GNG7: variants seen among roughly 807,000 people sequenced by gnomAD.
GNG7 encodes the protein guanine nucleotide-binding protein G(I)/G(S)/G(O) subunit gamma-7.
GNG7 carries 1 observed loss-of-function variant against 4.0 expected under a neutral mutation model. That is an observed-to-expected ratio of 0.25 (90% CI 0.09 to 1.18). The LOEUF (loss-of-function observed/expected upper bound fraction) is 1.18. GNG7 is among the 50% of genes most tolerant of loss of function. GNG7 has a pLI of 0.50. For missense variants in GNG7, 86 were observed against 91.9 expected (o/e 0.94, Z 0.26); for synonymous variants, 34 against 36.9 (o/e 0.92, Z 0.29).
At position 2,633,481 on chromosome 19, in the gene GNG7, G is replaced by GCACACACA. The variant is rs1463722921; in HGVS notation, c.-78+12742_-78+12743insTGTGTGTG. Among the ~76,000 whole-genome samples the GCACACACA allele has an allele frequency of 7.1e-4, 57 of 80,448 alleles. No homozygotes were observed. The highest frequency in any genetic ancestry group is 1.9e-3 in the African/African-American group (49 of 25,372). 52.8% of individuals were successfully genotyped at this position (80,448 alleles called of 152,430 possible). The stretch of plus-strand genomic sequence containing the variant: ...GTTGCTTAGCAACAGGCGCGCGCGC[G>GCACACACA]CGCGCGCACACACACACACACACAC... On this transcript the variant is annotated intron_variant, in intron 2 of 4. Coordinates refer to ENST00000382159, the MANE Select transcript of GNG7 (RefSeq NM_052847.3). This position sits in a 1 kb window ranked among gnomAD's most constrained non-coding sequence, Gnocchi z 5.9.
At chr19:2,551,626 T>TATGTATTTATAA (rs1979332767) in intron 3 of GNG7, among the ~76,000 whole-genome samples, 1 of 147,256 alleles carries the variant, frequency 6.8e-6, no homozygotes, top group African/African-American at 2.5e-5. Flanking sequence ...TATTTATAAA[T>TATGTATTTATAA]ATATAAAAAC....
At chr19:2,526,637 AC>A (rs1978406050) in intron 3 of GNG7, among the ~76,000 whole-genome samples, 1 of 149,542 alleles carries the variant, frequency 6.7e-6, no homozygotes. Context: ...TATGTATTAT[AC>A]ACTTATTGCA....
chr19:2,613,789 C>T (rs149967941), intron 2 of GNG7, among the ~76,000 whole-genome samples: 41 of 152,242 alleles, frequency 2.7e-4, no homozygotes, highest in African/African-American at 8.9e-4. Flanking sequence ...GATGGCCAGA[C>T]CCCAGAGGAT....
At chr19:2,625,381 A>AT in intron 2 of GNG7, among the ~76,000 whole-genome samples, 1 of 151,966 alleles carries the variant, frequency 6.6e-6, no homozygotes, top group East Asian at 1.9e-4. Flanking sequence ...CAGGGTTTTT[A>AT]TTTTTATTTT....
intron 2 of GNG7, chr19:2,643,660 C>T (rs1344517870): frequency 8.8e-6 from 4 of 456,366 alleles, no homozygotes; most frequent in Admixed American, 4.7e-5. Flanking sequence ...TCCAGCCCTG[C>T]GCCTCCTTTT....
intron 2 of GNG7, among the ~76,000 whole-genome samples, chr19:2,575,537 ACAGGCAGGCACACGCAGACACACGCAGG>A: frequency 7.1e-6 from 1 of 140,876 alleles, no homozygotes; most frequent in Non-Finnish European, 1.5e-5. Context: ...GCACACGCAG[ACAGGCAGGCACACGCAGACACACGCAGG>A]CACACGCAGA....
intron 3 of GNG7, among the ~76,000 whole-genome samples, chr19:2,527,799 C>T (rs766304341): frequency 3.3e-5 from 5 of 151,690 alleles, no homozygotes; most frequent in Non-Finnish European, 7.4e-5. Flanking sequence ...AGTGCGCCCA[C>T]AGTCATGACC....
At position 2,653,376 on chromosome 19, in the gene GNG7, T is replaced by A. The variant is rs1982880286; in HGVS notation, c.-134-7096A>T. 6.6e-6 allele frequency among the ~76,000 whole-genome samples: 1 copy of A among 151,938 alleles called. No homozygotes were observed. The highest frequency in any genetic ancestry group is 2.1e-4 in the South Asian group (1 of 4,828). ...AGGGCAGATGAGGGATCGATCTGAG[T>A]CCCATGATCCTCGGCCCTGCTGAGG... On this transcript the variant is annotated intron_variant, in intron 1 of 4. Coordinates refer to ENST00000382159, the MANE Select transcript of GNG7 (RefSeq NM_052847.3). The surrounding 1 kb of genome is among the most constrained non-coding windows in gnomAD (Gnocchi z 4.8).
rs1267949492 is a variant in GNG7, at chr19:2,696,322, GAAAGAAAGAA to G, written c.-135+6314_-135+6323del. 1.0e-3 allele frequency among the ~76,000 whole-genome samples: 134 copies of G among 130,392 alleles called. 1 individual carries two copies. The highest frequency in any genetic ancestry group is 1.6e-3 in the Non-Finnish European group (102 of 61,820). 85.5% of individuals were successfully genotyped at this position (130,392 alleles called of 152,430 possible). A position where few individuals can be genotyped will look rare whatever the true frequency, so the allele number is the denominator to read the frequency against. On this transcript the variant is annotated intron_variant, in intron 1 of 4. Transcript: ENST00000382159. ...AGAAAGAAAGAAAGAAAGAAAGAAA[GAAAGAAAGAA>G]AGAAAGAAAGAAAGAAAAGAAAGAA...
intron 2 of GNG7, among the ~76,000 whole-genome samples, chr19:2,608,183 AAGTC>A (rs1252395409): frequency 6.6e-6 from 1 of 152,106 alleles, no homozygotes; most frequent in Non-Finnish European, 1.5e-5. Flanking sequence ...TCACACCTAA[AAGTC>A]AGAACGATTC....
intron 3 of GNG7, among the ~76,000 whole-genome samples, chr19:2,526,413 G>A (rs923456181): frequency 2.7e-5 from 4 of 146,390 alleles, no homozygotes; most frequent in Non-Finnish European, 6.0e-5. Context: ...TCTACTATTA[G>A]TTTATAATAT....
chr19:2,554,838 A>G (rs1979498208), intron 3 of GNG7, among the ~76,000 whole-genome samples: 1 of 152,164 alleles, frequency 6.6e-6, no homozygotes, highest in African/African-American at 2.4e-5. Flanking sequence ...TACAGGCGTG[A>G]GCCACTGCAC....
At chr19:2,658,296 T>C (rs1431510659) in intron 1 of GNG7, among the ~76,000 whole-genome samples, 1 of 152,122 alleles carries the variant, frequency 6.6e-6, no homozygotes, top group Admixed American at 6.5e-5. Flanking sequence ...GGACAAAAAG[T>C]AAGTATTTTA....
chr19:2,669,225 C>T (rs964877748), intron 1 of GNG7, among the ~76,000 whole-genome samples: 1 of 152,196 alleles, frequency 6.6e-6, no homozygotes, highest in Non-Finnish European at 1.5e-5. Flanking sequence ...GGCGCGGTGG[C>T]TCACACCTGC....
At chr19:2,575,328 GC>G (rs1980275044) in intron 2 of GNG7, among the ~76,000 whole-genome samples, 1 of 152,192 alleles carries the variant, frequency 6.6e-6, no homozygotes, top group African/African-American at 2.4e-5. Flanking sequence ...TCCTGCCTCG[GC>G]CTCTCAAAGT....
At chr19:2,588,383 C>T (rs148781191) in intron 2 of GNG7, among the ~76,000 whole-genome samples, 18 of 152,306 alleles carry the variant, frequency 1.2e-4, no homozygotes, top group African/African-American at 4.1e-4. Context: ...CAGCACGACG[C>T]GGCTCTCTGC....
intron 2 of GNG7, among the ~76,000 whole-genome samples, chr19:2,559,647 T>G (rs965895242): frequency 6.6e-6 from 1 of 150,550 alleles, no homozygotes; most frequent in African/African-American, 2.5e-5. Context: ...CCCGAGTAGC[T>G]GGGATTACAG....
At chr19:2,575,086 TTTC>T (rs1446739091) in intron 2 of GNG7, among the ~76,000 whole-genome samples, 62 of 121,958 alleles carry the variant, frequency 5.1e-4, no homozygotes, top group African/African-American at 2.3e-3. Flanking sequence ...TTTTTCTTTC[TTTC>T]TTTTTTTTTT....
At chr19:2,700,006 T>G (rs925373992) in intron 1 of GNG7, among the ~76,000 whole-genome samples, 3 of 152,166 alleles carry the variant, frequency 2.0e-5, no homozygotes, top group Non-Finnish European at 4.4e-5. Context: ...GGGCAAAGTC[T>G]TCTTTCTTTT....
Sources: allele counts gnomAD v4.1 joint callset (sites outside exome capture counted in the v4.1 genomes callset), GRCh38; gene constraint gnomAD v4.1.1; non-coding constraint Gnocchi (gnomAD v3.1); transcripts MANE v1.5; gene names NCBI Gene and HGNC (gene_info 2026-07-23, HGNC 2026-07-21).